Variants in CCSER1 observed in about 807,000 individuals in gnomAD.
The protein encoded by CCSER1 is coiled-coil serine rich protein 1.
Under a neutral mutation model 82.0 loss-of-function variants are expected in CCSER1, and 41 were observed. The observed-to-expected ratio is 0.50, with a 90% confidence interval of 0.39 to 0.65. The LOEUF is 0.65. Ranked by LOEUF, CCSER1 falls within the 30% of genes least tolerant of loss-of-function variation. CCSER1 has a pLI of 0.00. For missense variants in CCSER1, 1,119 were observed against 1,064.2 expected, an observed-to-expected ratio of 1.05 and a Z score of -0.72; for synonymous variants, 414 against 383.9, an observed-to-expected ratio of 1.08 and a Z score of -0.92.
chr4:90,356,812 A>G (rs1041831719), intron 3 of CCSER1, among the ~76,000 whole-genome samples: 2 of 151,874 alleles, frequency 1.3e-5, no homozygotes, highest in Admixed American at 1.3e-4. Flanking sequence ...GATAGTATCT[A>G]ATCTGCTAGA....
At chr4:91,043,546 G>GA (rs913925242) in intron 9 of CCSER1, among the ~76,000 whole-genome samples, 2 of 145,026 alleles carry the variant, frequency 1.4e-5, no homozygotes, top group Admixed American at 6.9e-5. Flanking sequence ...TTATTCACCT[G>GA]AAAAAAACAA....
intron 8 of CCSER1, among the ~76,000 whole-genome samples, chr4:90,824,401 A>C (rs1350445694): frequency 6.6e-6 from 1 of 152,150 alleles, no homozygotes; most frequent in African/African-American, 2.4e-5. Flanking sequence ...AGGCAGTTGA[A>C]AAACTGAAAG....
intron 8 of CCSER1, among the ~76,000 whole-genome samples, chr4:90,882,875 C>T (rs183031360): frequency 6.6e-6 from 1 of 152,070 alleles, no homozygotes; most frequent in African/African-American, 2.4e-5. Flanking sequence ...AAAAGTATCA[C>T]AGAAATAGTA....
At chr4:90,190,998 A>C in intron 1 of CCSER1, among the ~76,000 whole-genome samples, 2 of 152,228 alleles carry the variant, frequency 1.3e-5, no homozygotes, top group Middle Eastern at 6.8e-3. Context: ...TTAAAAAGTC[A>C]AAACAATCTA....
At position 91,532,473 on chromosome 4, in the gene CCSER1, C is replaced by T. The variant is rs572407475; in HGVS notation, c.2218-66099C>T. Among the ~76,000 whole-genome samples, 23 of 152,162 alleles carry T rather than the reference C, an allele frequency of 1.5e-4. No individual in the cohort carries two copies. In the South Asian group the frequency reaches 4.6e-3, roughly 30 times the overall value. The stretch of plus-strand genomic sequence containing the variant: ...TAGGTAATTATTATACATACTTAAA[C>T]TAACTGGAATATTTTCTAGATTGAG... On this transcript the variant is annotated intron_variant, in intron 10 of 10. Coordinates refer to ENST00000509176, the MANE Select transcript of CCSER1 (RefSeq NM_001145065.2).
chr4:90,237,239 G>A (rs918516421), intron 1 of CCSER1, among the ~76,000 whole-genome samples: 1 of 152,152 alleles, frequency 6.6e-6, no homozygotes, highest in Non-Finnish European at 1.5e-5. Context: ...TGTAGAGTAA[G>A]AATTTCGAAA....
chr4:90,298,387 C>A (rs1312367123), intron 1 of CCSER1, among the ~76,000 whole-genome samples: 1 of 151,540 alleles, frequency 6.6e-6, no homozygotes, highest in Non-Finnish European at 1.5e-5. Flanking sequence ...TCTCTCTTTT[C>A]TTCTTTATTA....
chr4:91,073,817 C>A (rs1248914480), intron 9 of CCSER1, among the ~76,000 whole-genome samples: 2 of 152,012 alleles, frequency 1.3e-5, no homozygotes, highest in African/African-American at 4.8e-5. Context: ...GACCAATATA[C>A]CTGTCTTAAA....
chr4:91,053,812 T>G (rs1408541627), intron 9 of CCSER1, among the ~76,000 whole-genome samples: 1 of 152,198 alleles, frequency 6.6e-6, no homozygotes, highest in Non-Finnish European at 1.5e-5. Context: ...TTATAAATTT[T>G]TATGCATTTA....
At chr4:90,732,362 A>C (rs1431399360) in intron 7 of CCSER1, among the ~76,000 whole-genome samples, 1 of 152,136 alleles carries the variant, frequency 6.6e-6, no homozygotes, top group Non-Finnish European at 1.5e-5. Flanking sequence ...AGAATTCAAC[A>C]GAGATCACAC....
chr4:91,423,662 C>T (rs1292165871), intron 10 of CCSER1, among the ~76,000 whole-genome samples: 1 of 152,086 alleles, frequency 6.6e-6, no homozygotes, highest in Non-Finnish European at 1.5e-5. Flanking sequence ...AAAGCAATTA[C>T]TGGAACTTTA....
intron 10 of CCSER1, among the ~76,000 whole-genome samples, chr4:91,412,402 C>A (rs529237637): frequency 1.3e-5 from 2 of 152,086 alleles, no homozygotes; most frequent in African/African-American, 4.8e-5. Flanking sequence ...TCCAGAGACC[C>A]ACTTGGTTAC....
At position 90,232,927 on chromosome 4, in the gene CCSER1, C is replaced by T. The variant is rs1288673963; in HGVS notation, c.-41-75317C>T. 3.3e-5 allele frequency among the ~76,000 whole-genome samples: 5 copies of T among 150,906 alleles called. No individual in the cohort carries two copies. In the South Asian group the frequency reaches 1.1e-3, roughly 32 times the overall value. On this transcript the variant is annotated intron_variant, in intron 1 of 10. Transcript: ENST00000509176. ...TGCAAATCAAAACCACAATGAGATA[C>T]CATCTCACACCAGTTAGAATGGCAA...
intron 1 of CCSER1, among the ~76,000 whole-genome samples, chr4:90,178,060 A>G (rs1218995586): frequency 1.3e-5 from 2 of 152,124 alleles, no homozygotes; most frequent in African/African-American, 2.4e-5. Context: ...AGCATTTTGG[A>G]TAAGGGATAC....
intron 8 of CCSER1, among the ~76,000 whole-genome samples, chr4:90,913,339 A>G (rs1375471400): frequency 1.3e-5 from 2 of 152,222 alleles, no homozygotes; most frequent in African/African-American, 4.8e-5. Context: ...CCAATATTCA[A>G]CATTCTTAAA....
At chr4:90,721,681 T>C (rs1249119866) in intron 6 of CCSER1, among the ~76,000 whole-genome samples, 1 of 151,684 alleles carries the variant, frequency 6.6e-6, no homozygotes, top group Non-Finnish European at 1.5e-5. Flanking sequence ...AAATATGAAA[T>C]ATGGATAAGA....
intron 10 of CCSER1, among the ~76,000 whole-genome samples, chr4:91,291,261 T>C (rs995798956): frequency 1.1e-4 from 16 of 151,986 alleles, no homozygotes; most frequent in African/African-American, 3.9e-4. Context: ...TTAGTAAATA[T>C]AATTTAGATT....
At chr4:90,637,566 C>G (rs1183246131) in intron 6 of CCSER1, among the ~76,000 whole-genome samples, 2 of 152,054 alleles carry the variant, frequency 1.3e-5, no homozygotes, top group African/African-American at 4.8e-5. Flanking sequence ...CAGCCCCTCC[C>G]AAGGCCATTC....
chr4:91,591,516 A>G (rs1162388123), intron 10 of CCSER1, among the ~76,000 whole-genome samples: 1 of 152,138 alleles, frequency 6.6e-6, no homozygotes, highest in African/African-American at 2.4e-5. Context: ...CTACTCAATC[A>G]GTCTCCAAGC....
Sources: allele counts gnomAD v4.1 joint callset (sites outside exome capture counted in the v4.1 genomes callset), GRCh38; gene constraint gnomAD v4.1.1; transcripts MANE v1.5; gene names NCBI Gene and HGNC (gene_info 2026-07-23, HGNC 2026-07-21).